Variants in FRS2 observed in about 807,000 individuals in gnomAD.
FRS2 encodes the protein fibroblast growth factor receptor substrate 2.
Under a neutral mutation model 43.9 loss-of-function variants are expected in FRS2, and 8 were observed. The ratio of observed to expected loss-of-function variants is 0.18; its 90% CI spans 0.11 to 0.33. FRS2 has a LOEUF of 0.33. Ranked by LOEUF, FRS2 falls within the 10% of genes least tolerant of loss-of-function variation. The pLI, the probability that FRS2 is intolerant of heterozygous loss-of-function variation, is 1.00. For synonymous variants in FRS2, 219 were observed against 220.3 expected, an observed-to-expected ratio of 0.99 and a Z score of 0.05; for missense variants, 534 against 627.6, an observed-to-expected ratio of 0.85 and a Z score of 1.59.
chr12:69,484,482 AT>A (rs1274059861), intron 1 of FRS2, among the ~76,000 whole-genome samples: 6 of 152,176 alleles, frequency 3.9e-5, no homozygotes, highest in African/African-American at 1.4e-4. Context: ...TACCTACAAA[AT>A]GATTGCCAGT....
At chr12:69,570,757 A>G (rs1474515526) in intron 6 of FRS2, among the ~76,000 whole-genome samples, 1 of 152,228 alleles carries the variant, frequency 6.6e-6, no homozygotes, top group Non-Finnish European at 1.5e-5. Context: ...TGGGTCAGCT[A>G]AATTGACTAA....
intron 1 of FRS2, among the ~76,000 whole-genome samples, chr12:69,512,532 C>A (rs1362015501): frequency 1.3e-5 from 2 of 152,052 alleles, no homozygotes; most frequent in Non-Finnish European, 2.9e-5. Flanking sequence ...ATTGTGGTAT[C>A]TTTATAAGGT....
intron 3 of FRS2, among the ~76,000 whole-genome samples, chr12:69,553,522 A>G (rs1211726302): frequency 1.3e-5 from 2 of 152,024 alleles, no homozygotes; most frequent in East Asian, 3.9e-4. Flanking sequence ...ATTGGAGAAT[A>G]TTGTTGATTA....
At chr12:69,477,333 T>G (rs1314227415) in intron 1 of FRS2, among the ~76,000 whole-genome samples, 1 of 145,440 alleles carries the variant, frequency 6.9e-6, no homozygotes, top group African/African-American at 2.6e-5. Context: ...CAGGTTGGAG[T>G]GCAGTGGCGC....
At position 69,504,077 on chromosome 12, in the gene FRS2, T is replaced by G. The variant is rs538021090; in HGVS notation, c.-260-26788T>G. Among the ~76,000 whole-genome samples the G allele has an allele frequency of 7.2e-5, 11 of 152,300 alleles. No individual in the cohort carries two copies. In the South Asian group the frequency reaches 1.2e-3, roughly 17 times the overall value. On this transcript the variant is annotated intron_variant, in intron 1 of 8. Coordinates refer to ENST00000549921, the MANE Select transcript of FRS2 (RefSeq NM_001278356.2). ...AATGTTTATTGCATGCCTATGTACC[T>G]GACAGTTTTTAAGGTGCTAAGTATT...
intron 3 of FRS2, among the ~76,000 whole-genome samples, chr12:69,545,305 C>A (rs1479815962): frequency 6.6e-6 from 1 of 152,112 alleles, no homozygotes; most frequent in Non-Finnish European, 1.5e-5. Flanking sequence ...TATGGAATAT[C>A]AAGGGACTCT....
intron 1 of FRS2, among the ~76,000 whole-genome samples, chr12:69,497,388 A>G (rs1446176178): frequency 6.6e-6 from 1 of 152,228 alleles, no homozygotes; most frequent in African/African-American, 2.4e-5. Context: ...TCAAGTGACC[A>G]GTAGATTCAG....
chr12:69,503,815 T>G (rs1231568631), intron 1 of FRS2, among the ~76,000 whole-genome samples: 1 of 152,184 alleles, frequency 6.6e-6, no homozygotes, highest in Non-Finnish European at 1.5e-5. Context: ...ACCCCTGGGG[T>G]GCAGAGTTTA....
rs141597925 is a variant in FRS2 at position 69,551,742 on chromosome 12, G to A, written c.-121-10438G>A. On this transcript the variant is annotated intron_variant, in intron 3 of 8. Coordinates refer to ENST00000549921, the MANE Select transcript of FRS2 (RefSeq NM_001278356.2). ...GGCTCAAAAGAACATCACATCAGTC[G>A]TGGATGCTCTGGAATCCTACCACTT... 1.2e-3 allele frequency among the ~76,000 whole-genome samples: 185 copies of A among 152,028 alleles called. 3 individuals are homozygous for A. The East Asian group carries it at 0.027, about 22-fold the overall frequency.
chr12:69,527,012 C>T (rs1024410513), intron 1 of FRS2, among the ~76,000 whole-genome samples: 6 of 152,182 alleles, frequency 3.9e-5, no homozygotes, highest in East Asian at 3.9e-4. Flanking sequence ...CCTGAGCCAC[C>T]GCGTCCAGCC....
In FRS2 at chr12:69,470,541, A is replaced by G. The variant is rs1870155344; in HGVS notation, c.-261+11A>G. ...GCACCTGGGCGGACGGTGAGTGGCT[A>G]GGGAAACGGACTGGGACGGCCGCGG... On this transcript the variant is annotated intron_variant, in intron 1 of 8. Coordinates refer to ENST00000549921, the MANE Select transcript of FRS2 (RefSeq NM_001278356.2). The G allele has an allele frequency of 2.5e-6, 1 of 398,456 alleles. No homozygotes were observed. The highest frequency in any genetic ancestry group is 4.4e-6 in the Non-Finnish European group (1 of 225,968). 24.7% of individuals were successfully genotyped at this position (398,456 alleles called of 1,614,324 possible). A position where few individuals can be genotyped will look rare whatever the true frequency, so the allele number is the denominator to read the frequency against.
At chr12:69,494,847 C>T (rs180906651) in intron 1 of FRS2, among the ~76,000 whole-genome samples, 7 of 152,234 alleles carry the variant, frequency 4.6e-5, no homozygotes, top group African/African-American at 1.7e-4. Flanking sequence ...ACTCTCGGCT[C>T]GCTGCAACCT....
intron 1 of FRS2, among the ~76,000 whole-genome samples, chr12:69,485,080 A>AAAAC (rs1871711586): frequency 3.6e-5 from 1 of 27,684 alleles, no homozygotes; most frequent in Non-Finnish European, 6.1e-5. Flanking sequence ...ACCTCATCTT[A>AAAAC]AAACACACAC....
At chr12:69,538,773 A>G (rs1877587098) in intron 3 of FRS2, among the ~76,000 whole-genome samples, 1 of 152,208 alleles carries the variant, frequency 6.6e-6, no homozygotes, top group African/African-American at 2.4e-5. Flanking sequence ...TATATTATTC[A>G]GATGCATTAT....
At chr12:69,526,744 G>A (rs1370330110) in intron 1 of FRS2, among the ~76,000 whole-genome samples, 1 of 148,684 alleles carries the variant, frequency 6.7e-6, no homozygotes, top group Admixed American at 6.7e-5. Context: ...TTTTTTTTGA[G>A]ACAGAGTGTC....
At chr12:69,546,626 C>T (rs1878436565) in intron 3 of FRS2, among the ~76,000 whole-genome samples, 1 of 151,892 alleles carries the variant, frequency 6.6e-6, no homozygotes, top group African/African-American at 2.4e-5. Context: ...CTCCTATCCT[C>T]AAGTTTCACC....
In FRS2 at chr12:69,539,621, G is replaced by C. The variant is rs932231406; in HGVS notation, c.-122+7565G>C. 2.0e-5 allele frequency among the ~76,000 whole-genome samples: 3 copies of C among 152,068 alleles called. No homozygotes were observed. The East Asian group carries it at 5.8e-4, about 29-fold the overall frequency. On this transcript the variant is annotated intron_variant, in intron 3 of 8. Coordinates refer to ENST00000549921, the MANE Select transcript of FRS2 (RefSeq NM_001278356.2). ...TCAGAATTTTCCAGTTAGGGATGCT[G>C]AATCTGTACCCTTCTCCTTTAAAAA...
chr12:69,499,100 G>A (rs1488030395), intron 1 of FRS2, among the ~76,000 whole-genome samples: 1 of 152,138 alleles, frequency 6.6e-6, no homozygotes, highest in African/African-American at 2.4e-5. Context: ...TAGAATTGGG[G>A]CTAGATAAGT....
chr12:69,565,304 T>C (rs1880197665), intron 4 of FRS2, among the ~76,000 whole-genome samples: 1 of 152,206 alleles, frequency 6.6e-6, no homozygotes, highest in Admixed American at 6.5e-5. Flanking sequence ...AAGTTGCTCT[T>C]GGGTGAGTTG....
Sources: allele counts gnomAD v4.1 joint callset (sites outside exome capture counted in the v4.1 genomes callset), GRCh38; gene constraint gnomAD v4.1.1; transcripts MANE v1.5; gene names NCBI Gene and HGNC (gene_info 2026-07-23, HGNC 2026-07-21).